Variants in CARS1 observed in about 807,000 individuals in gnomAD.
The protein encoded by CARS1 is cysteine--tRNA ligase, cytoplasmic.
Under a neutral mutation model 106.2 loss-of-function variants are expected in CARS1, and 48 were observed. The observed-to-expected ratio is 0.45, with a 90% CI of 0.36 to 0.57. The LOEUF (loss-of-function observed/expected upper bound fraction) is 0.57. CARS1 is among the 20% of genes least tolerant of loss of function. CARS1 has a pLI of 0.00. For synonymous variants in CARS1, 409 were observed against 403.4 expected, an observed-to-expected ratio of 1.01 and a Z score of -0.17; for missense variants, 968 against 1,057.2, an observed-to-expected ratio of 0.92 and a Z score of 1.17.
rs143861890 is a variant in CARS1, at chr11:3,028,949, C to T, written c.1031+47G>A. 136 of 1,314,846 alleles carry T rather than the reference C, an allele frequency of 1.0e-4. 1 individual carries two copies. Among genetic ancestry groups the T allele is most frequent in the East Asian group, 1.6e-4 (7 of 43,376 alleles). 81.4% of individuals were successfully genotyped at this position (1,314,846 alleles called of 1,614,324 possible). A position where few individuals can be genotyped will look rare whatever the true frequency, so the allele number is the denominator to read the frequency against. On this transcript the variant is annotated intron_variant, in intron 9 of 22. Coordinates refer to ENST00000380525, the MANE Select transcript of CARS1 (RefSeq NM_001014437.3). The surrounding 1 kb of genome is among the most constrained non-coding windows in gnomAD (Gnocchi z 4.4). ...CAGAGCTGGGGAGCTCCTCCCTGTG[C>T]GATGTTCTGCAGCCCTTCCCTCCCT...
intron 18 of CARS1, among the ~76,000 whole-genome samples, chr11:3,009,943 A>T (rs1466469439): frequency 6.6e-6 from 1 of 152,128 alleles, no homozygotes; most frequent in African/African-American, 2.4e-5. Flanking sequence ...GCCACCTCTA[A>T]CACGCTGCCC....
chr11:3,050,139 G>A lies in CARS1; in HGVS notation c.26-2138C>T, dbSNP rs1855514039. On this transcript the variant is annotated intron_variant, in intron 1 of 22. Coordinates refer to ENST00000380525, the MANE Select transcript of CARS1 (RefSeq NM_001014437.3). The surrounding 1 kb of genome is among the most constrained non-coding windows in gnomAD (Gnocchi z 6.3). Reference sequence around the variant, plus strand: ...GATGTCCTGAAGCCACCTCTTCTCTGCAGTAAAGGGGTGGGCACTCTGTGG... The same window carrying A: ...GATGTCCTGAAGCCACCTCTTCTCTACAGTAAAGGGGTGGGCACTCTGTGG... 6.6e-6 allele frequency among the ~76,000 whole-genome samples: 1 copy of A among 152,192 alleles called. No homozygotes were observed. The highest frequency in any genetic ancestry group is 6.5e-5 in the Admixed American group (1 of 15,284).
chr11:3,047,537 T>C (rs902003172), intron 2 of CARS1, among the ~76,000 whole-genome samples: 1 of 152,164 alleles, frequency 6.6e-6, no homozygotes, highest in South Asian at 2.1e-4. Flanking sequence ...GTGAACATAC[T>C]GCTCCTGAAT....
intron 17 of CARS1, among the ~76,000 whole-genome samples, chr11:3,014,686 G>A (rs1006153973): frequency 1.3e-5 from 2 of 152,244 alleles, no homozygotes; most frequent in African/African-American, 4.8e-5. Flanking sequence ...GTTCATATCA[G>A]GAAGTCTCAA....
In CARS1 at chr11:3,019,354, A is replaced by C. The variant is rs982196407; in HGVS notation, c.1267-87T>G. ...TTATCACTCCAAGTTGATGGCCCTT[A>C]CATCCTCTGAACTTTATTGGAACAA... On this transcript the variant is annotated intron_variant, in intron 11 of 22. Transcript: ENST00000380525. This position sits in a 1 kb window ranked among gnomAD's most constrained non-coding sequence, Gnocchi z 6.2. 1.2e-5 allele frequency: 16 copies of C among 1,289,740 alleles called. No individual in the cohort carries two copies. Among genetic ancestry groups the C allele is most frequent in the Non-Finnish European group, 1.3e-5 (13 of 1,000,734 alleles). 79.9% of individuals were successfully genotyped at this position (1,289,740 alleles called of 1,614,324 possible). A position where few individuals can be genotyped will look rare whatever the true frequency, so the allele number is the denominator to read the frequency against.
At chr11:3,016,258 T>A (rs1196452022) in intron 16 of CARS1, among the ~76,000 whole-genome samples, 1 of 150,672 alleles carries the variant, frequency 6.6e-6, no homozygotes, top group East Asian at 2.0e-4. Flanking sequence ...TCTCACTCTG[T>A]CGCCCAGGCT....
Position 3,034,995 on chromosome 11 carries a change from G to A in CARS1, c.801+3055C>T, listed in dbSNP as rs1204308969. On this transcript the variant is annotated intron_variant, in intron 7 of 22. Coordinates refer to ENST00000380525, the MANE Select transcript of CARS1 (RefSeq NM_001014437.3). This position sits in a 1 kb window ranked among gnomAD's most constrained non-coding sequence, Gnocchi z 6.3. ...CATCACATGGCCAGGGGGCTCATGAGGGCCAAACTGGCTTCTGTAACAGCC... is the reference window on the plus strand; with the variant it reads ...CATCACATGGCCAGGGGGCTCATGAAGGCCAAACTGGCTTCTGTAACAGCC... Among the ~76,000 whole-genome samples the A allele has an allele frequency of 1.3e-5, 2 of 152,092 alleles. No individual in the cohort carries two copies. Among genetic ancestry groups the A allele is most frequent in the African/African-American group, 4.8e-5 (2 of 41,398 alleles).
intron 1 of CARS1, among the ~76,000 whole-genome samples, chr11:3,055,459 C>G (rs1401764796): frequency 6.6e-6 from 1 of 152,200 alleles, no homozygotes; most frequent in Non-Finnish European, 1.5e-5. Context: ...GATTTTATTT[C>G]CTGTTCTCAT....
chr11:3,002,891 AC>A (rs1276355342), intron 20 of CARS1, among the ~76,000 whole-genome samples: 1 of 152,214 alleles, frequency 6.6e-6, no homozygotes, highest in Admixed American at 6.5e-5. Context: ...AGATCCAGGC[AC>A]CACTAACATG....
At position 3,054,489 on chromosome 11, in the gene CARS1, A is replaced by T. The variant is rs138936347; in HGVS notation, c.25+2854T>A. Among the ~76,000 whole-genome samples the T allele has an allele frequency of 2.9e-3, 445 of 152,354 alleles. 2 individuals are homozygous for T. The highest frequency in any genetic ancestry group is 0.017 in the Middle Eastern group (5 of 294). ...GCAAACATTTCATGTGGCTCTGGGG[A>T]AAACATCGAAGGGCATCAGCTTTAT... On this transcript the variant is annotated intron_variant, in intron 1 of 22. Transcript: ENST00000380525.
At chr11:3,023,459 A>T (rs967364600) in intron 10 of CARS1, among the ~76,000 whole-genome samples, 2 of 152,244 alleles carry the variant, frequency 1.3e-5, no homozygotes, top group African/African-American at 2.4e-5. Flanking sequence ...CAACGGTGTA[A>T]TCACAGCTCA....
chr11:3,042,088 G>A (rs116487956), intron 3 of CARS1, 77 bp downstream of exon 3: 19,853 of 1,045,564 alleles, frequency 0.019, 261 homozygotes, highest in Middle Eastern at 0.031. Flanking sequence ...AGTCTGTTGT[G>A]CGACAAGGCA....
chr11:3,036,519 G>GA (rs1437361022), intron 7 of CARS1, among the ~76,000 whole-genome samples: 2 of 152,148 alleles, frequency 1.3e-5, no homozygotes, highest in African/African-American at 4.8e-5. Context: ...AAAAAATGAA[G>GA]AATAACAAGC....
chr11:3,033,495 T>C (rs1853153325), intron 7 of CARS1, among the ~76,000 whole-genome samples: 1 of 152,252 alleles, frequency 6.6e-6, no homozygotes, highest in Non-Finnish European at 1.5e-5. Context: ...TTTAGGTAAT[T>C]ACTTCTAGAT....
Position 3,003,240 on chromosome 11 carries a change from A to G in CARS1, c.2218-640T>C, listed in dbSNP as rs570166657. ...GGCCTGAGCCATTGCACGAACAGAC[A>G]TGCCCTCCACTGACGGAAAAGGAGC... On this transcript the variant is annotated intron_variant, in intron 20 of 22. Transcript: ENST00000380525. This position sits in a 1 kb window ranked among gnomAD's most constrained non-coding sequence, Gnocchi z 4.8. 6.6e-6 allele frequency among the ~76,000 whole-genome samples: 1 copy of G among 152,340 alleles called. No individual in the cohort carries two copies. The highest frequency in any genetic ancestry group is 6.5e-5 in the Admixed American group (1 of 15,308).
intron 22 of CARS1, 95 bp from the exon 23 acceptor site, chr11:3,001,343 C>T: frequency 7.0e-7 from 1 of 1,431,184 alleles, no homozygotes; most frequent in East Asian, 2.3e-5. Flanking sequence ...GTGTCTATCT[C>T]CCTGATGCAG....
Position 3,028,315 on chromosome 11 carries a change from C to T in CARS1, c.1031+681G>A, listed in dbSNP as rs539303866. On this transcript the variant is annotated intron_variant, in intron 9 of 22. Transcript: ENST00000380525. The surrounding 1 kb of genome is among the most constrained non-coding windows in gnomAD (Gnocchi z 4.4). ...GGCATTCGGGGCCACTACCGGTCTC[C>T]GCGTCTTGGTGGTAGTGGTCCCCCG... is the stretch of plus-strand genomic sequence containing the variant. 18 of 534,532 alleles carry T rather than the reference C, an allele frequency of 3.4e-5. No individual in the cohort carries two copies. Among genetic ancestry groups the T allele is most frequent in the East Asian group, 9.3e-5 (2 of 21,620 alleles). 33.1% of individuals were successfully genotyped at this position (534,532 alleles called of 1,614,324 possible). A position where few individuals can be genotyped will look rare whatever the true frequency, so the allele number is the denominator to read the frequency against.
In CARS1 at chr11:3,038,604, AT is replaced by A. The variant is rs1853999629; in HGVS notation, c.652-406del. Among the ~76,000 whole-genome samples the A allele has an allele frequency of 6.6e-6, 1 of 152,230 alleles. No homozygotes were observed. Among genetic ancestry groups the A allele is most frequent in the Non-Finnish European group, 1.5e-5 (1 of 68,038 alleles). ...TAAAAGATTGCTCAGCTCTAATTTTATTCCTGTTTTTAATTCCAGAGATAAA... is the reference window on the plus strand; with the variant it reads ...TAAAAGATTGCTCAGCTCTAATTTTATCCTGTTTTTAATTCCAGAGATAAA... On this transcript the variant is annotated intron_variant, in intron 6 of 22. Transcript: ENST00000380525. The surrounding 1 kb of genome is among the most constrained non-coding windows in gnomAD (Gnocchi z 4.0).
rs1405920642 is a variant in CARS1, at chr11:3,017,662, A to G, written c.1727+195T>C. 1.2e-5 allele frequency: 7 copies of G among 574,556 alleles called. No individual in the cohort carries two copies. The highest frequency in any genetic ancestry group is 2.1e-5 in the Non-Finnish European group (7 of 325,890). The allele number at this position is 574,556 out of a possible 1,614,324, so 35.6% of individuals were successfully genotyped here. ...CCGTCTCAAAAAGAAAAAACAAAAA[A>G]GAAATTCTCCATGCACTTCAACACC... On this transcript the variant is annotated intron_variant, in intron 15 of 22. Transcript: ENST00000380525. The surrounding 1 kb of genome is among the most constrained non-coding windows in gnomAD (Gnocchi z 4.9).
Sources: allele counts gnomAD v4.1 joint callset (sites outside exome capture counted in the v4.1 genomes callset), GRCh38; gene constraint gnomAD v4.1.1; non-coding constraint Gnocchi (gnomAD v3.1); transcripts MANE v1.5; gene names NCBI Gene and HGNC (gene_info 2026-07-23, HGNC 2026-07-21).